The following TNN variants were observed in gnomAD, a reference collection of about 807,000 sequenced individuals.
The protein encoded by TNN is tenascin N.
TNN carries 122 observed loss-of-function variants against 134.4 expected under a neutral mutation model. That is an observed-to-expected ratio of 0.91 (90% CI 0.78 to 1.06). TNN has a LOEUF of 1.06. Ranked by LOEUF, TNN falls within the 50% of genes least tolerant of loss-of-function variation. TNN has a pLI of 0.00. For synonymous variants in TNN, 710 were observed against 670.3 expected (o/e 1.06, Z -0.91); for missense variants, 1,739 against 1,699.4 (o/e 1.02, Z -0.41).
rs1327232689 is a variant in TNN at position 175,080,272 on chromosome 1, G to T, written c.894G>T (p.Leu298=). Residue 298 remains leucine (L), a synonymous_variant, in exon 4 of 19, where the codon CTG becomes CTT. Transcript: ENST00000239462. ...ACTACCTCCTCAGCTACTACCCCCT[G>T]GGGAAGGAGCTCTCTGGGAAGCAGA... ...VDHYLLSYYP[L]GKELSGKQIQ... is the part of the protein sequence containing the mutation. 1.2e-6 allele frequency: 2 copies of T among 1,614,012 alleles called. No individual in the cohort carries two copies. The highest frequency in any genetic ancestry group is 2.7e-5 in the African/African-American group (2 of 75,002).
chr1:175,092,861 CT>C (rs1438643936), intron 6 of TNN, among the ~76,000 whole-genome samples: 1 of 152,218 alleles, frequency 6.6e-6, no homozygotes, highest in Non-Finnish European at 1.5e-5. Context: ...TTATGACAGC[CT>C]TACCTTTGAA....
At chr1:175,079,980 GT>G (rs1420570706) in intron 3 of TNN, among the ~76,000 whole-genome samples, 182 bp from the exon 4 acceptor site, 1 of 151,828 alleles carries the variant, frequency 6.6e-6, no homozygotes, top group African/African-American at 2.4e-5. Context: ...GTGTGTGTGT[GT>G]GTGGTGAGGG....
At chr1:175,109,378 G>A (rs756699281) in intron 9 of TNN, among the ~76,000 whole-genome samples, 8 of 151,840 alleles carry the variant, frequency 5.3e-5, no homozygotes, top group South Asian at 4.2e-4. Context: ...GTGAGCCACC[G>A]GGCCCGGCCT....
Position 175,100,431 on chromosome 1 carries a change from C to T in TNN, c.2119+1836C>T, listed in dbSNP as rs180763261. Among the ~76,000 whole-genome samples, 126 of 152,326 alleles carry T rather than the reference C, an allele frequency of 8.3e-4. 1 individual carries two copies. The highest frequency in any genetic ancestry group is 2.9e-3 in the African/African-American group (122 of 41,574). On this transcript the variant is annotated intron_variant, in intron 9 of 18. Transcript: ENST00000239462. ...CAAGGCTTGGGCCTCACCCATGGGA[C>T]TCACAGTGTATCTTTTTCCAAATAA... is the stretch of plus-strand genomic sequence containing the variant.
At chr1:175,115,210 C>T (rs1466033808) in intron 9 of TNN, among the ~76,000 whole-genome samples, 2 of 152,134 alleles carry the variant, frequency 1.3e-5, no homozygotes, top group Non-Finnish European at 1.5e-5. Context: ...ACTGATTCCC[C>T]AGTGGGCAAT....
At chr1:175,136,015 A>G (rs1675800086) in intron 16 of TNN, 74 bp downstream of exon 16, 2 of 1,116,546 alleles carry the variant, frequency 1.8e-6, no homozygotes, top group Non-Finnish European at 2.7e-6. Flanking sequence ...TAGGAGGCTT[A>G]GGGAAGCTCA....
At chr1:175,107,268 G>C (rs145924704) in intron 9 of TNN, among the ~76,000 whole-genome samples, 1 of 135,170 alleles carries the variant, frequency 7.4e-6, no homozygotes, top group African/African-American at 2.6e-5. Flanking sequence ...TCGTGGTCTT[G>C]CTGGCTCAGG....
chr1:175,132,391 G>A (rs1675698027), intron 15 of TNN, among the ~76,000 whole-genome samples: 2 of 152,146 alleles, frequency 1.3e-5, no homozygotes, highest in South Asian at 2.1e-4. Context: ...ACTTGCTCCA[G>A]GGCCAGCACT....
chr1:175,108,830 C>T (rs1383384084), intron 9 of TNN, among the ~76,000 whole-genome samples: 2 of 145,588 alleles, frequency 1.4e-5, no homozygotes, highest in African/African-American at 2.6e-5. Context: ...GGTTCCCGCT[C>T]ACGCCTCTCC....
intron 1 of TNN, among the ~76,000 whole-genome samples, chr1:175,072,088 G>A (rs1673927827): frequency 6.6e-6 from 1 of 152,226 alleles, no homozygotes; most frequent in Non-Finnish European, 1.5e-5. Context: ...GATACCAAGA[G>A]AGAACACAGC....
intron 12 of TNN, among the ~76,000 whole-genome samples, chr1:175,125,939 G>T (rs1439306852): frequency 6.1e-4 from 58 of 94,494 alleles, no homozygotes; most frequent in South Asian, 1.1e-3. Flanking sequence ...TCTTTCTCTC[G>T]CTTCTCTCCC....
chr1:175,081,795 T>G (rs1391176731), intron 4 of TNN, among the ~76,000 whole-genome samples: 1 of 152,174 alleles, frequency 6.6e-6, no homozygotes. Context: ...TTAGAGAATC[T>G]GGGCCTGTGT....
intron 4 of TNN, among the ~76,000 whole-genome samples, chr1:175,081,471 A>T (rs776698530): frequency 6.6e-6 from 1 of 152,200 alleles, no homozygotes; most frequent in South Asian, 2.1e-4. Context: ...TTCTAGGGAA[A>T]GATCTAGGAA....
chr1:175,078,513 A>G (rs2149426531), intron 2 of TNN, among the ~76,000 whole-genome samples: 1 of 152,356 alleles, frequency 6.6e-6, no homozygotes, highest in Non-Finnish European at 1.5e-5. Context: ...ACTTTGGCAT[A>G]GGATTTCATG....
rs560346318 is a variant in TNN, at chr1:175,112,591, G to A, written c.2120-4348G>A. Among the ~76,000 whole-genome samples, 7 of 67,688 alleles carry A rather than the reference G, an allele frequency of 1.0e-4. No homozygotes were observed. In the South Asian group the frequency reaches 1.8e-3, roughly 17 times the overall value. 44.4% of individuals were successfully genotyped at this position (67,688 alleles called of 152,430 possible). ...CATTTTTTTAAAGATCCATTCAGCCGGCCGATCTTTTTTTTTTTTTTTTTT... is the reference window on the plus strand; with the variant it reads ...CATTTTTTTAAAGATCCATTCAGCCAGCCGATCTTTTTTTTTTTTTTTTTT... On this transcript the variant is annotated intron_variant, in intron 9 of 18. Coordinates refer to ENST00000239462, the MANE Select transcript of TNN (RefSeq NM_022093.2).
At chr1:175,069,966 C>T (rs182014934) in intron 1 of TNN, among the ~76,000 whole-genome samples, 105 of 152,306 alleles carry the variant, frequency 6.9e-4, no homozygotes, top group East Asian at 3.1e-3. Flanking sequence ...TTTAATCTGA[C>T]GCCCCTCACA....
chr1:175,144,821 T>C (rs938825176), intron 18 of TNN, among the ~76,000 whole-genome samples: 1 of 152,250 alleles, frequency 6.6e-6, no homozygotes, highest in Non-Finnish European at 1.5e-5. Context: ...TAATGACAGA[T>C]GATGTGCTCT....
chr1:175,139,788 C>T (rs985124057), intron 17 of TNN, among the ~76,000 whole-genome samples: 8 of 152,212 alleles, frequency 5.3e-5, no homozygotes, highest in African/African-American at 1.4e-4. Context: ...CAAATCACCA[C>T]AAACACATGA....
intron 15 of TNN, among the ~76,000 whole-genome samples, chr1:175,133,025 G>A (rs12146041): frequency 0.24 from 36,369 of 152,200 alleles, 4,805 homozygotes; most frequent in East Asian, 0.43. Flanking sequence ...TTGTGTTGGG[G>A]CTTCTGCATC....
Sources: gnomAD v4.1 joint callset for allele counts (sites outside exome capture counted in the v4.1 genomes callset) on GRCh38, gnomAD v4.1.1 for gene constraint, MANE v1.5 for transcripts, NCBI Gene and HGNC (gene_info 2026-07-23, HGNC 2026-07-21) for gene names.